The following NEB variants were observed in gnomAD, a reference collection of about 807,000 sequenced individuals.
NEB encodes the protein nemaline myopathy type 2.
Under a neutral mutation model 952.2 loss-of-function variants are expected in NEB, and 512 were observed. The observed-to-expected ratio is 0.54, with a 90% confidence interval of 0.50 to 0.58. NEB has a LOEUF of 0.58. NEB is among the 20% of genes least tolerant of loss of function. The pLI is 0.00. For synonymous variants in NEB, 2,900 were observed against 3,149.8 expected, an observed-to-expected ratio of 0.92 and a Z score of 2.66; for missense variants, 8,428 against 9,231.1, an observed-to-expected ratio of 0.91 and a Z score of 3.56.
chr2:151,708,210 C>T lies in NEB; in HGVS notation c.1036-1213G>A, dbSNP rs1041494364. Among the ~76,000 whole-genome samples, 35 of 152,128 alleles carry T rather than the reference C, an allele frequency of 2.3e-4. 1 individual carries two copies. Among genetic ancestry groups the T allele is most frequent in the Admixed American group, 2.0e-4 (3 of 15,270 alleles). ...TTCCATCAACATGATGCTTTTGTTT[C>T]GTATCTTAAAAAGTCCCTCTTTACC... is the stretch of plus-strand genomic sequence containing the variant. On this transcript the variant is annotated intron_variant, in intron 12 of 181. Transcript: ENST00000397345.
At chr2:151,595,401 G>A (rs1247685953) in intron 92 of NEB, among the ~76,000 whole-genome samples, 4 of 152,068 alleles carry the variant, frequency 2.6e-5, no homozygotes, top group Admixed American at 6.5e-5. Context: ...ACAGGCTCCC[G>A]CCACCACGCC....
intron 13 of NEB, among the ~76,000 whole-genome samples, chr2:151,706,017 A>G (rs1031601081): frequency 6.6e-6 from 1 of 152,222 alleles, no homozygotes; most frequent in Non-Finnish European, 1.5e-5. Flanking sequence ...AATCAACACT[A>G]AAGAACTTTT....
Position 151,649,872 on chromosome 2 carries a change from C to T in NEB, c.7431+304G>A, listed in dbSNP as rs533478122. On this transcript the variant is annotated intron_variant, in intron 54 of 181. Coordinates refer to ENST00000397345, the MANE Select transcript of NEB (RefSeq NM_001164508.2). ...TTCCCCCTCATATACTCTACCCCAA[C>T]AAAAAACATCTGGGTGTTTCATGCA... 1.2e-4 allele frequency among the ~76,000 whole-genome samples: 19 copies of T among 152,210 alleles called. 1 individual carries two copies. Among genetic ancestry groups the T allele is most frequent in the African/African-American group, 4.3e-4 (18 of 41,530 alleles).
chr2:151,624,260 A>G (rs921326703), intron 71 of NEB, among the ~76,000 whole-genome samples: 3 of 152,128 alleles, frequency 2.0e-5, no homozygotes, highest in Non-Finnish European at 2.9e-5. Context: ...TGATCATGCA[A>G]TTTTAAAGAA....
intron 172 of NEB, among the ~76,000 whole-genome samples, chr2:151,496,688 G>A (rs534378316): frequency 2.0e-5 from 3 of 152,090 alleles, no homozygotes; most frequent in Middle Eastern, 3.4e-3. Flanking sequence ...ACTCAGTGTT[G>A]TTATCCACAC....
intron 161 of NEB, among the ~76,000 whole-genome samples, chr2:151,510,135 G>A (rs1006559997): frequency 6.6e-6 from 1 of 152,122 alleles, no homozygotes; most frequent in African/African-American, 2.4e-5. Context: ...AATTTAAATG[G>A]GTTCAGGTGC....
At chr2:151,725,025 T>A (rs1473180353) in intron 6 of NEB, 64 bp from the exon 7 acceptor site, 4 of 1,261,338 alleles carry the variant, frequency 3.2e-6, no homozygotes, top group Non-Finnish European at 4.6e-6. Context: ...ATTAAGGAAT[T>A]TCTTATAACC....
At chr2:151,616,497 C>A (rs542721837) in intron 75 of NEB, among the ~76,000 whole-genome samples, 31 of 152,200 alleles carry the variant, frequency 2.0e-4, no homozygotes, top group Middle Eastern at 6.8e-3. Flanking sequence ...GAGAAGAGAC[C>A]AGCCTGGCCA....
intron 42 of NEB, 74 bp from the exon 43 acceptor site, chr2:151,664,937 T>G: frequency 9.4e-7 from 1 of 1,066,640 alleles, no homozygotes; most frequent in Non-Finnish European, 1.4e-6. Context: ...AGGAAGAGAT[T>G]TACAACTCCA....
At position 151,675,375 on chromosome 2, in the gene NEB, T is replaced by C; in HGVS notation, c.3791A>G (p.Lys1264Arg). 6.3e-7 allele frequency: 1 copy of C among 1,576,518 alleles called. No individual in the cohort carries two copies. The highest frequency in any genetic ancestry group is 8.6e-7 in the Non-Finnish European group (1 of 1,157,800). Residue 1264 changes from lysine to arginine, a missense_variant, in exon 35 of 182, where the codon AAA (lysine) becomes AGA (arginine). Coordinates refer to ENST00000397345, the MANE Select transcript of NEB (RefSeq NM_001164508.2). Reference protein sequence around the residue: ...KQVSDILYKAKGEDVKHKYTM... With the variant: ...KQVSDILYKARGEDVKHKYTM... ...GTATTTATGTTTCACATCTTCTCCT[T>C]TAGCCTTGTATAAGATCTGCAATAA... is the stretch of plus-strand genomic sequence containing the variant.
intron 153 of NEB, among the ~76,000 whole-genome samples, chr2:151,524,019 G>C (rs1033950771): frequency 2.6e-5 from 4 of 152,308 alleles, no homozygotes; most frequent in African/African-American, 7.2e-5. Flanking sequence ...GGCCTGGGGA[G>C]AGGTTCCAGT....
intron 13 of NEB, among the ~76,000 whole-genome samples, chr2:151,704,452 C>T (rs2099694407): frequency 6.7e-6 from 1 of 149,698 alleles, no homozygotes; most frequent in Admixed American, 6.7e-5. Flanking sequence ...GGCGCCCCTC[C>T]CCCAGCCTCG....
chr2:151,708,909 C>A (rs1376993432), intron 12 of NEB, among the ~76,000 whole-genome samples: 3 of 152,228 alleles, frequency 2.0e-5, no homozygotes, highest in Non-Finnish European at 4.4e-5. Flanking sequence ...CTTCTTATCA[C>A]CTGCCCTGCT....
chr2:151,702,517 C>G (rs1559431246), intron 13 of NEB, among the ~76,000 whole-genome samples: 1 of 151,906 alleles, frequency 6.6e-6, no homozygotes, highest in Non-Finnish European at 1.5e-5. Flanking sequence ...CTTTGTAGGT[C>G]ACTCAGGACT....
rs1428777709 is a variant in NEB at position 151,710,456 on chromosome 2, A to T, written c.905T>A (p.Met302Lys). 3 of 1,612,172 alleles carry T rather than the reference A, an allele frequency of 1.9e-6. No homozygotes were observed. Among genetic ancestry groups the T allele is most frequent in the Non-Finnish European group, 2.5e-6 (3 of 1,178,550 alleles). ...AACTGTGCTAATGTTATCAGCATTC[A>T]TTCTGGCATTTGCAACTTCAAAGCA... ...TPCFEVANAR[M>K]NADNISTRKY... The change falls in exon 11 of 182, where the codon ATG becomes AAG. Residue 302 changes from methionine to lysine, a missense_variant. Coordinates refer to ENST00000397345, the MANE Select transcript of NEB (RefSeq NM_001164508.2).
At chr2:151,731,001 T>C (rs1486795132) in intron 3 of NEB, among the ~76,000 whole-genome samples, 1 of 152,186 alleles carries the variant, frequency 6.6e-6, no homozygotes, top group East Asian at 1.9e-4. Flanking sequence ...ATGAGAAATA[T>C]CATTTGGACA....
intron 172 of NEB, 136 bp from the exon 173 acceptor site, chr2:151,496,504 T>C (rs998612561): frequency 1.4e-6 from 2 of 1,445,804 alleles, no homozygotes; most frequent in African/African-American, 2.9e-5. Context: ...GCTGACAAAA[T>C]GCCACCAGCT....
Position 151,554,989 on chromosome 2 carries a change from C to A in NEB, c.19370G>T (p.Ser6457Ile). ...TGCTGTGTTCGGATCATCGTCAACA[C>A]TTCTTGGTAACGTATAAAGAGCTTT... The part of the protein sequence containing the change: ...KFKALYTLPR[S>I]VDDDPNTARC... Residue 6457 changes from serine (S) to isoleucine (I), a missense_variant, in exon 125 of 182, where the codon AGT becomes ATT. Coordinates refer to ENST00000397345, the MANE Select transcript of NEB (RefSeq NM_001164508.2). 1 of 1,613,904 alleles carries A rather than the reference C, an allele frequency of 6.2e-7. No individual in the cohort carries two copies. Among genetic ancestry groups the A allele is most frequent in the Non-Finnish European group, 8.5e-7 (1 of 1,179,784 alleles).
intron 51 of NEB, 93 bp from the exon 52 acceptor site, chr2:151,654,192 A>C: frequency 1.6e-6 from 1 of 642,228 alleles, no homozygotes; most frequent in Admixed American, 3.3e-5. Flanking sequence ...AGTGAATATC[A>C]GATCGAACAT....
Sources: allele counts gnomAD v4.1 joint callset (sites outside exome capture counted in the v4.1 genomes callset), GRCh38; gene constraint gnomAD v4.1.1; transcripts MANE v1.5; gene names NCBI Gene and HGNC (gene_info 2026-07-23, HGNC 2026-07-21).